Variants in MYO10 observed in about 807,000 individuals in gnomAD.
MYO10 encodes the protein unconventional myosin-X.
Under a neutral mutation model 257.3 loss-of-function variants are expected in MYO10, and 133 were observed. The observed-to-expected ratio is 0.52, with a 90% CI of 0.45 to 0.60. MYO10 has a LOEUF of 0.60. Among genes scored for constraint, MYO10 ranks in the 20% least tolerant of loss-of-function variants. The probability of loss-of-function intolerance (pLI) is 0.00; values close to 1 mark genes in which losing one functional copy is unlikely to be tolerated. For synonymous variants in MYO10, 1,104 were observed against 1,028.6 expected, an observed-to-expected ratio of 1.07 and a Z score of -1.40; for missense variants, 2,399 against 2,635.7, an observed-to-expected ratio of 0.91 and a Z score of 1.97.
chr5:16,854,804 G>A (rs1424972950), intron 2 of MYO10, among the ~76,000 whole-genome samples: 2 of 152,114 alleles, frequency 1.3e-5, no homozygotes, highest in African/African-American at 4.8e-5. Context: ...GGCTGAGGCA[G>A]GTAGACTCCC....
At chr5:16,908,889 C>T (rs1256070282) in intron 1 of MYO10, among the ~76,000 whole-genome samples, 1 of 152,180 alleles carries the variant, frequency 6.6e-6, no homozygotes, top group Non-Finnish European at 1.5e-5. Context: ...TATTGTGTGA[C>T]TACATTTACA....
intron 17 of MYO10, among the ~76,000 whole-genome samples, chr5:16,758,928 A>AT (rs35536554): frequency 0.25 from 36,529 of 148,338 alleles, 4,570 homozygotes; most frequent in Non-Finnish European, 0.27. Flanking sequence ...CTTCCCAATA[A>AT]TTTTTTTTTT....
intron 18 of MYO10, among the ~76,000 whole-genome samples, chr5:16,755,602 G>A (rs1278355327): frequency 2.0e-5 from 3 of 151,940 alleles, no homozygotes; most frequent in Non-Finnish European, 2.9e-5. Context: ...TAGTTCCATC[G>A]AAATGACAGT....
rs899599158 is a variant in MYO10, at chr5:16,778,980, G to A, written c.930+565C>T. On this transcript the variant is annotated intron_variant, in intron 9 of 40. Transcript: ENST00000513610. ...GCTGGGATTATAGGCATGAGCCACC[G>A]CGCCTGGCCATCTTCCTTTCACCCA... Among the ~76,000 whole-genome samples, 9 of 152,188 alleles carry A rather than the reference G, an allele frequency of 5.9e-5. No individual in the cohort carries two copies. The South Asian group carries it at 1.0e-3, about 18-fold the overall frequency.
At chr5:16,896,393 G>A (rs1196070352) in intron 1 of MYO10, among the ~76,000 whole-genome samples, 1 of 151,912 alleles carries the variant, frequency 6.6e-6, no homozygotes, top group Non-Finnish European at 1.5e-5. Flanking sequence ...GTCAGGAGTT[G>A]GAGACCAGCC....
intron 17 of MYO10, 104 bp downstream of exon 17, chr5:16,761,360 A>C: frequency 1.1e-6 from 1 of 887,978 alleles, no homozygotes; most frequent in South Asian, 1.4e-5. Context: ...AACAATACTA[A>C]GTTTCTTACA....
chr5:16,910,160 G>T (rs1280370462), intron 1 of MYO10, among the ~76,000 whole-genome samples: 1 of 152,088 alleles, frequency 6.6e-6, no homozygotes, highest in African/African-American at 2.4e-5. Flanking sequence ...GAAACTAGAG[G>T]TGATAGTTTC....
intron 2 of MYO10, among the ~76,000 whole-genome samples, chr5:16,862,920 C>A (rs1010431027): frequency 1.3e-5 from 2 of 152,132 alleles, no homozygotes; most frequent in Non-Finnish European, 2.9e-5. Context: ...CAGGCTTACA[C>A]AGGACTAAGG....
At chr5:16,838,082 GAC>G (rs1161705358) in intron 2 of MYO10, among the ~76,000 whole-genome samples, 1 of 151,988 alleles carries the variant, frequency 6.6e-6, no homozygotes, top group Admixed American at 6.6e-5. Context: ...TATCCTCTGA[GAC>G]ACAACAATAT....
intron 1 of MYO10, among the ~76,000 whole-genome samples, chr5:16,895,873 C>G (rs533315690): frequency 6.6e-6 from 1 of 151,992 alleles, no homozygotes; most frequent in African/African-American, 2.4e-5. Context: ...CTTGCAAAAC[C>G]CCCAGTGGTA....
Position 16,763,499 on chromosome 5 carries a change from G to A in MYO10, c.1476C>T (p.Cys492=), listed in dbSNP as rs747116882. 1 of 1,611,894 alleles carries A rather than the reference G, an allele frequency of 6.2e-7. No individual in the cohort carries two copies. The highest frequency in any genetic ancestry group is 8.5e-7 in the Non-Finnish European group (1 of 1,178,224). The change falls in exon 14 of 41, where the codon TGC becomes TGT. Residue 492 remains cysteine, a synonymous_variant. Transcript: ENST00000513610. ...EDIDWIDNGE[C]LDLIEKKLGL... is the part of the protein sequence containing the mutation. ...ACATTACCTTCTCAATCAAGTCCAG[G>A]CATTCTCCATTGTCTATCCAGTCAA...
chr5:16,925,169 A>T (rs1219800621), intron 1 of MYO10, among the ~76,000 whole-genome samples: 1 of 152,136 alleles, frequency 6.6e-6, no homozygotes, highest in Non-Finnish European at 1.5e-5. Flanking sequence ...AAGTTTCCCA[A>T]AACCCAAACA....
At chr5:16,868,491 C>A (rs1043035036) in intron 2 of MYO10, among the ~76,000 whole-genome samples, 3 of 152,142 alleles carry the variant, frequency 2.0e-5, no homozygotes, top group Non-Finnish European at 4.4e-5. Context: ...GTAGTCCCAG[C>A]CACTCGGGAG....
At chr5:16,873,330 T>C (rs2560856) in intron 2 of MYO10, among the ~76,000 whole-genome samples, 8,692 of 152,282 alleles carry the variant, frequency 0.057, 704 homozygotes, top group African/African-American at 0.18. Flanking sequence ...CACACTGCTG[T>C]AAGAAGTGGG....
intron 2 of MYO10, among the ~76,000 whole-genome samples, chr5:16,871,483 C>T (rs892298126): frequency 3.9e-5 from 6 of 152,158 alleles, no homozygotes; most frequent in Admixed American, 1.3e-4. Context: ...GGCATGTGCC[C>T]GTGGTCCCAG....
intron 1 of MYO10, chr5:16,915,962 G>GAAA: frequency 1.7e-5 from 7 of 406,240 alleles, no homozygotes; most frequent in South Asian, 3.4e-5. Flanking sequence ...ACGTCAAAAA[G>GAAA]AAAAAAAAAA....
chr5:16,712,200 A>T (rs1306029059), intron 19 of MYO10, among the ~76,000 whole-genome samples: 2 of 152,194 alleles, frequency 1.3e-5, no homozygotes. Flanking sequence ...CTTTGCTCAA[A>T]TTCTAGTCAA....
intron 19 of MYO10, among the ~76,000 whole-genome samples, chr5:16,718,071 G>A (rs1039708812): frequency 2.0e-5 from 3 of 152,226 alleles, no homozygotes; most frequent in Non-Finnish European, 4.4e-5. Flanking sequence ...TGCTGGCCCC[G>A]GGCAATGGGG....
At chr5:16,668,196 CA>C in intron 40 of MYO10, 80 bp downstream of exon 40, 1 of 1,409,742 alleles carries the variant, frequency 7.1e-7, no homozygotes, top group East Asian at 2.3e-5. Flanking sequence ...ATGACCTGGT[CA>C]AAGGCATGAG....
Sources: allele counts gnomAD v4.1 joint callset (sites outside exome capture counted in the v4.1 genomes callset), GRCh38; gene constraint gnomAD v4.1.1; transcripts MANE v1.5; gene names NCBI Gene and HGNC (gene_info 2026-07-23, HGNC 2026-07-21).